Variants in MAGEC3 observed in about 807,000 individuals in gnomAD.
The protein encoded by MAGEC3 is melanoma-associated antigen C3.
A neutral mutation model predicts 35.3 loss-of-function variants in MAGEC3; 34 were observed. The observed-to-expected ratio is 0.96, with a 90% CI of 0.73 to 1.28. The LOEUF (loss-of-function observed/expected upper bound fraction) is 1.28. Among genes scored for constraint, MAGEC3 ranks in the 50% most tolerant of loss-of-function variants. MAGEC3 has a pLI of 0.00. For synonymous variants in MAGEC3, 202 were observed against 185.6 expected (o/e 1.09, Z -0.72); for missense variants, 561 against 483.6 (o/e 1.16, Z -1.50).
chrX:141,855,076 T>C (rs1404170765), intron 1 of MAGEC3, among the ~76,000 whole-genome samples: 1 of 111,204 alleles, frequency 9.0e-6, no homozygotes, highest in Non-Finnish European at 1.9e-5. Context: ...GAGTGCTCAC[T>C]CTCAGGAGCA....
At chrX:141,887,300 C>T (rs749236901) in intron 4 of MAGEC3, among the ~76,000 whole-genome samples, 57 of 112,336 alleles carry the variant, frequency 5.1e-4, no homozygotes, top group Non-Finnish European at 7.3e-4. Context: ...TTTTCCCTTA[C>T]ACAAGATCAC....
At chrX:141,887,538 G>C (rs1401936628) in intron 4 of MAGEC3, among the ~76,000 whole-genome samples, 1 of 112,116 alleles carries the variant, frequency 8.9e-6, no homozygotes, top group Admixed American at 9.4e-5. Flanking sequence ...GCCCCTCCAA[G>C]AAAGAGGCAC....
intron 1 of MAGEC3, among the ~76,000 whole-genome samples, chrX:141,864,380 G>C (rs1345816729): frequency 1.0e-5 from 1 of 98,721 alleles, no homozygotes; most frequent in Non-Finnish European, 2.1e-5. Flanking sequence ...AGGTTTTTGT[G>C]AGAACATAAG....
chrX:141,838,838 G>C, intron 1 of MAGEC3: 2 of 753,590 alleles, frequency 2.7e-6, no homozygotes, highest in Non-Finnish European at 3.1e-6. Flanking sequence ...TGTCCCTGGG[G>C]CAGCAGTTCG....
At chrX:141,855,944 G>A (rs1428448255) in intron 1 of MAGEC3, among the ~76,000 whole-genome samples, 1 of 111,439 alleles carries the variant, frequency 9.0e-6, no homozygotes, top group Admixed American at 9.6e-5. Flanking sequence ...GAACATCAAT[G>A]GATGGCTTTT....
rs143982088 is a variant in MAGEC3, at chrX:141,869,643, G to A, written c.258+4038G>A. Among the ~76,000 whole-genome samples the A allele has an allele frequency of 5.2e-3, 577 of 111,949 alleles. 1 individual carries two copies. Among genetic ancestry groups the A allele is most frequent in the African/African-American group, 0.016 (495 of 30,852 alleles). Reference sequence around the variant, plus strand: ...TGTTGTGAGAAACCTCCATTTGAGAGCACTTGCTAAGGCGACACAGCTTGA... The same window carrying A: ...TGTTGTGAGAAACCTCCATTTGAGAACACTTGCTAAGGCGACACAGCTTGA... On this transcript the variant is annotated intron_variant, in intron 2 of 7. Transcript: ENST00000298296.
intron 1 of MAGEC3, among the ~76,000 whole-genome samples, chrX:141,852,578 C>G (rs2017757650): frequency 9.0e-6 from 1 of 110,505 alleles, no homozygotes; most frequent in African/African-American, 3.3e-5. Flanking sequence ...GTTTTTTATG[C>G]ACTCTTTGTC....
In MAGEC3 at chrX:141,879,211, C is replaced by T; in HGVS notation, c.295C>T (p.Leu99Phe). ...RTLSGSPGLQ[L>F]SDLHFGSQPE... ...CCTATCAGGGTCCCCAGGTTTACAA[C>T]TTTCTGACTTGCATTTTGGGAGTCA... The change falls in exon 3 of 8, where the codon CTT becomes TTT. Residue 99 changes from leucine to phenylalanine, a missense_variant. Physicochemically the swap from Leu to Phe is conservative, Grantham distance 22 (BLOSUM62 0). Transcript: ENST00000298296. The T allele has an allele frequency of 8.3e-7, 1 of 1,201,099 alleles. No homozygotes were observed. The highest frequency in any genetic ancestry group is 1.1e-6 in the Non-Finnish European group (1 of 889,860).
chrX:141,884,214 A>G (rs2017986119), intron 4 of MAGEC3, among the ~76,000 whole-genome samples: 1 of 112,506 alleles, frequency 8.9e-6, no homozygotes, highest in South Asian at 3.6e-4. Context: ...TCCACCCTTA[A>G]TCTGCATGGG....
chrX:141,848,369 A>T (rs192755021), intron 1 of MAGEC3, among the ~76,000 whole-genome samples: 7 of 110,745 alleles, frequency 6.3e-5, no homozygotes, highest in Admixed American at 3.9e-4. Context: ...GATTCTATAA[A>T]TAGGAAACCC....
At chrX:141,869,761 G>T (rs1392938415) in intron 2 of MAGEC3, among the ~76,000 whole-genome samples, 1 of 112,008 alleles carries the variant, frequency 8.9e-6, no homozygotes, top group African/African-American at 3.2e-5. Context: ...AAACACAACT[G>T]ACAAAGAAAT....
Position 141,881,626 on chromosome X carries a change from G to T in MAGEC3, c.739G>T (p.Asp247Tyr). The change falls in exon 4 of 8, where the codon GAC (aspartate) becomes TAC (tyrosine). Residue 247 changes from aspartate to tyrosine, a missense_variant. Coordinates refer to ENST00000298296, the MANE Select transcript of MAGEC3 (RefSeq NM_138702.1). ...FGISLTEVDP[D>Y]HFYVFVNTLD... ...CATTTCCCTGACAGAAGTGGACCCC[G>T]ACCATTTCTATGTCTTTGTAAACAC... 1 of 1,211,400 alleles carries T rather than the reference G, an allele frequency of 8.3e-7. No homozygotes were observed. Among genetic ancestry groups the T allele is most frequent in the South Asian group, 1.8e-5 (1 of 56,942 alleles).
At chrX:141,859,246 A>G (rs149753442) in intron 1 of MAGEC3, among the ~76,000 whole-genome samples, 3,175 of 110,875 alleles carry the variant, frequency 0.029, 48 homozygotes, top group African/African-American at 0.057. Context: ...TGAATTGTGT[A>G]TCTATTCTAT....
intron 1 of MAGEC3, among the ~76,000 whole-genome samples, chrX:141,854,288 T>C (rs1316546531): frequency 9.0e-6 from 1 of 111,225 alleles, no homozygotes; most frequent in Non-Finnish European, 1.9e-5. Context: ...ATAAACATTC[T>C]AGATGTAAGT....
At chrX:141,854,427 T>C (rs2017768550) in intron 1 of MAGEC3, among the ~76,000 whole-genome samples, 1 of 111,381 alleles carries the variant, frequency 9.0e-6, no homozygotes, top group East Asian at 2.9e-4. Context: ...AAATCTCATC[T>C]TGAATTGTAT....
At chrX:141,893,146 G>A (rs2018055372) in intron 4 of MAGEC3, among the ~76,000 whole-genome samples, 1 of 111,260 alleles carries the variant, frequency 9.0e-6, no homozygotes, top group African/African-American at 3.3e-5. Context: ...CTAGGAGATA[G>A]CGCTCTACAC....
Position 141,879,425 on chromosome X carries a change from C to T in MAGEC3, c.509C>T (p.Ala170Val), listed in dbSNP as rs369863174. The change falls in exon 3 of 8, where the codon GCG becomes GTG. Residue 170 changes from alanine to valine, a missense_variant. Transcript: ENST00000298296. ...SPGKRLWGEK[A>V]GSLPESEPLF... ...GGAAAAAGGTTGTGGGGGGAGAAAG[C>T]GGGGAGGTGGGCAGGGAAATATGGA... The T allele has an allele frequency of 7.0e-5, 81 of 1,159,961 alleles. No homozygotes were observed. In the South Asian group the frequency reaches 8.4e-4, roughly 12 times the overall value.
Position 141,897,083 on chromosome X carries a change from G to C in MAGEC3, c.1325G>C (p.Trp442Ser). 8.3e-7 allele frequency: 1 copy of C among 1,211,551 alleles called. No homozygotes were observed. Among genetic ancestry groups the C allele is most frequent in the Non-Finnish European group, 1.1e-6 (1 of 895,421 alleles). Residue 442 changes from tryptophan (W) to serine (S), a missense_variant, in exon 7 of 8, where the codon TGG becomes TCG. By Grantham distance (177) the Trp-to-Ser change is radical (BLOSUM62 -3). Coordinates refer to ENST00000298296, the MANE Select transcript of MAGEC3 (RefSeq NM_138702.1). Reference protein sequence around the residue: ...SSSEEEDTATWHALPESESLP... With the variant: ...SSSEEEDTATSHALPESESLP... ...AGTGAAGAGGAGGATACAGCTACTTGGCATGCCTTGCCAGAAAGTGAATCC... is the reference window on the plus strand; with the variant it reads ...AGTGAAGAGGAGGATACAGCTACTTCGCATGCCTTGCCAGAAAGTGAATCC...
At chrX:141,884,879 G>A in intron 4 of MAGEC3, among the ~76,000 whole-genome samples, 1 of 111,604 alleles carries the variant, frequency 9.0e-6, no homozygotes, top group Middle Eastern at 4.6e-3. Flanking sequence ...ATGAACTCAG[G>A]GATTCTGACT....
Sources: gnomAD v4.1 joint callset for allele counts (sites outside exome capture counted in the v4.1 genomes callset) on GRCh38, gnomAD v4.1.1 for gene constraint, MANE v1.5 for transcripts, NCBI Gene and HGNC (gene_info 2026-07-23, HGNC 2026-07-21) for gene names.